CAMKMT: variants seen among roughly 807,000 people sequenced by gnomAD.
The protein encoded by CAMKMT is calmodulin-lysine N-methyltransferase, also known as CaM KMT.
Under a neutral mutation model 48.0 loss-of-function variants are expected in CAMKMT, and 53 were observed. That is an observed-to-expected ratio of 1.10 (90% CI 0.89 to 1.39). The LOEUF (loss-of-function observed/expected upper bound fraction) is 1.39, where lower values mean the gene tolerates loss of function less well. Among genes scored for constraint, CAMKMT ranks in the 40% most tolerant of loss-of-function variants. CAMKMT has a pLI of 0.00. For synonymous variants in CAMKMT, 165 were observed against 152.3 expected, an observed-to-expected ratio of 1.08 and a Z score of -0.61; for missense variants, 428 against 402.7, an observed-to-expected ratio of 1.06 and a Z score of -0.54.
chr2:44,742,714 C>T (rs1679746471), intron 7 of CAMKMT, among the ~76,000 whole-genome samples: 1 of 152,018 alleles, frequency 6.6e-6, no homozygotes, highest in Non-Finnish European at 1.5e-5. Flanking sequence ...TGGTATAAGA[C>T]TTATTATTAC....
chr2:44,755,756 G>C (rs1220844760), intron 9 of CAMKMT, among the ~76,000 whole-genome samples: 1 of 152,180 alleles, frequency 6.6e-6, no homozygotes, highest in Non-Finnish European at 1.5e-5. Context: ...TCTGAATCGT[G>C]GCCACACGCA....
intron 3 of CAMKMT, among the ~76,000 whole-genome samples, chr2:44,595,361 G>A (rs907395337): frequency 1.2e-4 from 19 of 152,102 alleles, no homozygotes; most frequent in Admixed American, 5.9e-4. Context: ...CCGCCTCAGC[G>A]TCCAAAGTGC....
chr2:44,770,969 C>A (rs1172573265), intron 10 of CAMKMT, among the ~76,000 whole-genome samples: 1 of 152,180 alleles, frequency 6.6e-6, no homozygotes, highest in Non-Finnish European at 1.5e-5. Context: ...CTTTATGTTC[C>A]CCAGCGGAAA....
intron 3 of CAMKMT, among the ~76,000 whole-genome samples, chr2:44,408,047 G>A (rs1443847522): frequency 8.4e-6 from 1 of 118,554 alleles, no homozygotes; most frequent in South Asian, 2.5e-4. Flanking sequence ...TTTTTTTTGA[G>A]ATGGAGTCTC....
intron 3 of CAMKMT, among the ~76,000 whole-genome samples, chr2:44,568,634 C>T (rs1265298695): frequency 6.6e-6 from 1 of 152,058 alleles, no homozygotes; most frequent in Non-Finnish European, 1.5e-5. Flanking sequence ...AGCAGGTCAG[C>T]ATAACAGGAG....
At chr2:44,667,753 A>G (rs940436791) in intron 3 of CAMKMT, among the ~76,000 whole-genome samples, 1 of 151,962 alleles carries the variant, frequency 6.6e-6, no homozygotes, top group African/African-American at 2.4e-5. Context: ...CTGATCCCCA[A>G]CTTCTTTTTC....
intron 6 of CAMKMT, among the ~76,000 whole-genome samples, chr2:44,712,090 T>C (rs931045823): frequency 6.6e-6 from 1 of 152,180 alleles, no homozygotes; most frequent in Non-Finnish European, 1.5e-5. Context: ...TGGTATCTTC[T>C]CAATTCATAT....
At chr2:44,502,102 T>C (rs1313697807) in intron 3 of CAMKMT, among the ~76,000 whole-genome samples, 1 of 151,908 alleles carries the variant, frequency 6.6e-6, no homozygotes, top group Non-Finnish European at 1.5e-5. Context: ...GTACCTGTAA[T>C]CCCAACTACT....
At chr2:44,401,991 A>T (rs970657979) in intron 3 of CAMKMT, among the ~76,000 whole-genome samples, 1 of 152,110 alleles carries the variant, frequency 6.6e-6, no homozygotes, top group Non-Finnish European at 1.5e-5. Context: ...AAGTAAGGGG[A>T]AGTAATTTTT....
At chr2:44,580,926 C>G (rs1196830246) in intron 3 of CAMKMT, among the ~76,000 whole-genome samples, 1 of 152,114 alleles carries the variant, frequency 6.6e-6, no homozygotes, top group African/African-American at 2.4e-5. Flanking sequence ...TGTTGTTGGG[C>G]AAATTATCGG....
At chr2:44,705,526 A>C in intron 4 of CAMKMT, 1 of 985,394 alleles carries the variant, frequency 1.0e-6, no homozygotes, top group Admixed American at 6.1e-5. Flanking sequence ...ATATTTAGGC[A>C]CAAAGGGGAA....
chr2:44,588,234 CCG>C (rs1233119853), intron 3 of CAMKMT, among the ~76,000 whole-genome samples: 1 of 54,098 alleles, frequency 1.8e-5, no homozygotes, highest in Non-Finnish European at 4.5e-5. Context: ...AGGAGCCCCT[CCG>C]TCCGGCAGCC....
At chr2:44,431,912 G>A (rs1442436938) in intron 3 of CAMKMT, among the ~76,000 whole-genome samples, 1 of 152,138 alleles carries the variant, frequency 6.6e-6, no homozygotes, top group Non-Finnish European at 1.5e-5. Context: ...TTACTTCCTG[G>A]AAATGAGCTG....
chr2:44,382,027 T>C (rs1572695348), intron 2 of CAMKMT, among the ~76,000 whole-genome samples: 1 of 150,188 alleles, frequency 6.7e-6, no homozygotes, highest in Middle Eastern at 3.5e-3. Context: ...CAGCAGCCTC[T>C]GTCTCCTGGG....
chr2:44,547,281 A>G (rs903961460), intron 3 of CAMKMT, among the ~76,000 whole-genome samples: 1 of 152,152 alleles, frequency 6.6e-6, no homozygotes, highest in Admixed American at 6.5e-5. Flanking sequence ...AAACTGTTCT[A>G]TGCTGATAGT....
chr2:44,760,276 A>G (rs1459159150), intron 9 of CAMKMT, among the ~76,000 whole-genome samples: 1 of 152,068 alleles, frequency 6.6e-6, no homozygotes, highest in Non-Finnish European at 1.5e-5. Context: ...TGTGTGGAGT[A>G]AGAAAAATCA....
At chr2:44,733,883 C>T (rs978769843) in intron 7 of CAMKMT, among the ~76,000 whole-genome samples, 3 of 151,914 alleles carry the variant, frequency 2.0e-5, no homozygotes, top group Non-Finnish European at 4.4e-5. Context: ...AAATATTATC[C>T]TCTTAATATT....
intron 3 of CAMKMT, among the ~76,000 whole-genome samples, chr2:44,516,845 G>A (rs552058060): frequency 2.7e-5 from 4 of 150,444 alleles, no homozygotes; most frequent in South Asian, 2.1e-4. Flanking sequence ...GGTTTCAAGC[G>A]ATTCTCCTGC....
intron 3 of CAMKMT, among the ~76,000 whole-genome samples, chr2:44,670,112 C>G (rs1010860395): frequency 2.0e-5 from 3 of 152,158 alleles, no homozygotes; most frequent in Non-Finnish European, 4.4e-5. Flanking sequence ...ATTCTGAATA[C>G]TAATCCTTGA....
Sources: gnomAD v4.1 joint callset for allele counts (sites outside exome capture counted in the v4.1 genomes callset) on GRCh38, gnomAD v4.1.1 for gene constraint, MANE v1.5 for transcripts, NCBI Gene and HGNC (gene_info 2026-07-23, HGNC 2026-07-21) for gene names.